Variants in RP1 observed in about 807,000 individuals in gnomAD.
RP1 encodes the protein oxygen-regulated protein 1.
Under a neutral mutation model 14.8 loss-of-function variants are expected in RP1, and 16 were observed. That is an observed-to-expected ratio of 1.08 (90% CI 0.73 to 1.65). The LOEUF is 1.65. RP1 is among the 40% of genes most tolerant of loss of function. RP1 has a pLI of 0.00. For missense variants in RP1, 2,631 were observed against 2,535.0 expected, an observed-to-expected ratio of 1.04 and a Z score of -0.81; for synonymous variants, 876 against 883.6, an observed-to-expected ratio of 0.99 and a Z score of 0.15.
intron 23 of RP1, among the ~76,000 whole-genome samples, chr8:54,776,467 G>A (rs1206023448): frequency 1.3e-5 from 2 of 152,228 alleles, no homozygotes; most frequent in Non-Finnish European, 2.9e-5. Context: ...ACAGATGTGA[G>A]CTACTATTCT....
chr8:54,650,847 C>G (rs1349155543), intron 4 of RP1, among the ~76,000 whole-genome samples: 2 of 151,852 alleles, frequency 1.3e-5, no homozygotes, highest in African/African-American at 4.8e-5. Context: ...TTGTCTTGTT[C>G]CTGATTTGGG....
intron 16 of RP1, among the ~76,000 whole-genome samples, chr8:54,724,525 C>T (rs1808607990): frequency 6.6e-6 from 1 of 152,134 alleles, no homozygotes; most frequent in Non-Finnish European, 1.5e-5. Context: ...AGCTCTGGTT[C>T]TTTCACCTTC....
downstream of RP1, among the ~76,000 whole-genome samples, chr8:54,633,989 C>T (rs1003331747): frequency 8.6e-5 from 13 of 151,864 alleles, no homozygotes; most frequent in Admixed American, 2.6e-4. Context: ...TATCTGTATT[C>T]GATTCTCATA....
At chr8:54,714,662 G>A (rs557903543) in intron 15 of RP1, among the ~76,000 whole-genome samples, 2 of 152,246 alleles carry the variant, frequency 1.3e-5, no homozygotes, top group East Asian at 3.9e-4. Context: ...ATTTGGGGGA[G>A]GTTAATCTGA....
intron 22 of RP1, among the ~76,000 whole-genome samples, chr8:54,769,127 C>T (rs537887474): frequency 1.8e-3 from 281 of 152,166 alleles, no homozygotes; most frequent in Admixed American, 6.0e-3. Context: ...ATCTCCTGAC[C>T]TCATGATCCA....
intron 1 of RP1, among the ~76,000 whole-genome samples, chr8:54,581,693 C>T (rs1804795378): frequency 6.6e-6 from 1 of 152,130 alleles, no homozygotes; most frequent in Non-Finnish European, 1.5e-5. Flanking sequence ...TTAATGATTG[C>T]CATTCTAACT....
intron 12 of RP1, among the ~76,000 whole-genome samples, chr8:54,681,764 G>C (rs551597242): frequency 6.6e-6 from 1 of 151,994 alleles, no homozygotes; most frequent in African/African-American, 2.4e-5. Flanking sequence ...TCATCATTCA[G>C]CTCCCACTTA....
intron 24 of RP1, chr8:54,837,348 G>T: frequency 2.3e-6 from 1 of 426,010 alleles, no homozygotes; most frequent in Non-Finnish European, 3.9e-6. Flanking sequence ...TTAGTAAGGA[G>T]TATTTATGAT....
At position 54,621,597 on chromosome 8, in the gene RP1, G is replaced by T. The variant is rs199894846; in HGVS notation, c.615+16G>T. 8.4e-4 allele frequency: 1,359 copies of T among 1,613,856 alleles called. No homozygotes were observed. The highest frequency in any genetic ancestry group is 1.1e-3 in the Non-Finnish European group (1,272 of 1,180,032). On this transcript the variant is annotated intron_variant, in intron 2 of 3. Transcript: ENST00000220676. ...CGGAAGGAGGGTGAGCGTTCTGGGG[G>T]CTCCTCGAGCCTGAGCTCATTTTGA...
intron 1 of RP1, among the ~76,000 whole-genome samples, chr8:54,601,394 G>C (rs573226276): frequency 6.6e-6 from 1 of 150,806 alleles, no homozygotes; most frequent in East Asian, 2.0e-4. Context: ...GACACAGGAG[G>C]GGGAACATTA....
intron 4 of RP1, among the ~76,000 whole-genome samples, chr8:54,650,349 G>T (rs542758421): frequency 6.6e-6 from 1 of 152,040 alleles, no homozygotes; most frequent in African/African-American, 2.4e-5. Flanking sequence ...TTCTTGTAAG[G>T]GTTCTTAGGC....
chr8:54,700,364 T>C (rs1284472991), intron 13 of RP1, among the ~76,000 whole-genome samples: 1 of 151,854 alleles, frequency 6.6e-6, no homozygotes, highest in Non-Finnish European at 1.5e-5. Context: ...TGATTTCAAC[T>C]CATGGGATGT....
chr8:54,770,141 A>C (rs2129374554), downstream of RP1: 1 of 403,280 alleles, frequency 2.5e-6, no homozygotes, highest in South Asian at 1.2e-4. Context: ...ATAAATCATC[A>C]ACCTAAAATA....
intron 19 of RP1, among the ~76,000 whole-genome samples, chr8:54,753,296 C>G (rs143471811): frequency 3.9e-5 from 6 of 152,204 alleles, no homozygotes; most frequent in Admixed American, 6.5e-5. Context: ...TTTAATCATT[C>G]GTTCAACAAA....
intron 12 of RP1, among the ~76,000 whole-genome samples, chr8:54,680,941 G>A (rs1807413251): frequency 6.7e-6 from 1 of 149,632 alleles, no homozygotes; most frequent in Non-Finnish European, 1.5e-5. Context: ...CTGGGCGACA[G>A]AGCGAGACTC....
At chr8:54,751,687 C>T (rs1167834459) in intron 19 of RP1, among the ~76,000 whole-genome samples, 1 of 152,174 alleles carries the variant, frequency 6.6e-6, no homozygotes, top group African/African-American at 2.4e-5. Flanking sequence ...CTGAGTCCTG[C>T]CATTAGCTAT....
At chr8:54,842,683 A>T (rs942456321) in intron 25 of RP1, among the ~76,000 whole-genome samples, 8 of 152,172 alleles carry the variant, frequency 5.3e-5, no homozygotes, top group Non-Finnish European at 1.2e-4. Context: ...TGTCAATCAG[A>T]TTATGTCATT....
intron 25 of RP1, among the ~76,000 whole-genome samples, chr8:54,843,293 G>A (rs1162188075): frequency 6.6e-6 from 1 of 152,124 alleles, no homozygotes; most frequent in Non-Finnish European, 1.5e-5. Context: ...CGTTGGCCAG[G>A]CTGGTCTCAA....
chr8:54,682,285 G>GA (rs566895669), intron 12 of RP1, among the ~76,000 whole-genome samples: 519 of 151,018 alleles, frequency 3.4e-3, no homozygotes, highest in African/African-American at 0.012. Context: ...TACATGTGCA[G>GA]AATGTGCAGG....
Sources: gnomAD v4.1 joint callset for allele counts (sites outside exome capture counted in the v4.1 genomes callset) on GRCh38, gnomAD v4.1.1 for gene constraint, MANE v1.5 for transcripts, NCBI Gene and HGNC (gene_info 2026-07-23, HGNC 2026-07-21) for gene names.